CDCA8: variants seen among roughly 807,000 people sequenced by gnomAD.
CDCA8 encodes borealin.
In CDCA8, 25 loss-of-function variants were observed where a neutral mutation model predicts 40.0. The ratio of observed to expected loss-of-function variants is 0.63; its 90% CI spans 0.46 to 0.87. The LOEUF (loss-of-function observed/expected upper bound fraction) is 0.87, where lower values mean the gene tolerates loss of function less well. CDCA8 is among the 40% of genes least tolerant of loss of function. The pLI is 0.00. For synonymous variants in CDCA8, 111 were observed against 126.5 expected (o/e 0.88, Z 0.82); for missense variants, 280 against 348.4 (o/e 0.80, Z 1.56).
At chr1:37,703,403 C>G in intron 7 of CDCA8, 56 bp downstream of exon 7, 1 of 1,267,756 alleles carries the variant, frequency 7.9e-7, no homozygotes, top group South Asian at 1.2e-5. Flanking sequence ...GAGCACTACC[C>G]AGAGAAGGAG....
At position 37,696,005 on chromosome 1, in the gene CDCA8, C is replaced by T. The variant is rs987492585; in HGVS notation, c.264+55C>T. On this transcript the variant is annotated intron_variant, in intron 3 of 9. Transcript: ENST00000373055. This position sits in a 1 kb window ranked among gnomAD's most constrained non-coding sequence, Gnocchi z 5.0. ...TGGTTACTTAAGTCTAGTCCAGTCC[C>T]CAGATCCAACTAATAGATGCTTACT... 6.5e-5 allele frequency: 94 copies of T among 1,444,994 alleles called. No individual in the cohort carries two copies. The highest frequency in any genetic ancestry group is 2.2e-4 in the Admixed American group (13 of 58,992). The allele number at this position is 1,444,994 out of a possible 1,614,324, so 89.5% of individuals were successfully genotyped here.
chr1:37,704,671 G>T (rs577541648), intron 7 of CDCA8, among the ~76,000 whole-genome samples: 1 of 118,926 alleles, frequency 8.4e-6, no homozygotes, highest in African/African-American at 3.4e-5. Flanking sequence ...TTTTTGAGAC[G>T]GAGTCTCGCT....
intron 4 of CDCA8, among the ~76,000 whole-genome samples, chr1:37,700,131 T>A (rs2148287987): frequency 6.6e-6 from 1 of 152,266 alleles, no homozygotes; most frequent in African/African-American, 2.4e-5. Flanking sequence ...ATCCAATTCT[T>A]ATAAGAACAT....
rs748558450 is a variant in CDCA8, at chr1:37,703,281, C to T, written c.518C>T (p.Ala173Val). ...RSSRANTVTP[A>V]VGRLEVSMVK... ...AGCCGTGCTAACACTGTTACCCCAG[C>T]CGTGGGCCGATTGGAGGTGTCCATG... Residue 173 changes from alanine to valine, a missense_variant, in exon 7 of 10, where the codon GCC (alanine) becomes GTC (valine). Transcript: ENST00000373055. 20 of 1,613,798 alleles carry T rather than the reference C, an allele frequency of 1.2e-5. No homozygotes were observed. Among genetic ancestry groups the T allele is most frequent in the East Asian group, 2.2e-5 (1 of 44,886 alleles).
chr1:37,706,921 T>C lies in CDCA8; in HGVS notation c.712-57T>C, dbSNP rs1017759793. The C allele has an allele frequency of 2.2e-6, 3 of 1,373,844 alleles. No homozygotes were observed. In the African/African-American group the frequency reaches 4.3e-5, roughly 20 times the overall value. 85.1% of individuals were successfully genotyped at this position (1,373,844 alleles called of 1,614,324 possible). On this transcript the variant is annotated intron_variant, in intron 8 of 9. Transcript: ENST00000373055. ...CTAAGTGCAGGATATCAGGGGAACCTAGGGGTTCCGGCCCTAAGGGCCATG... is the reference window on the plus strand; with the variant it reads ...CTAAGTGCAGGATATCAGGGGAACCCAGGGGTTCCGGCCCTAAGGGCCATG...
rs776852745 is a variant in CDCA8, at chr1:37,695,917, A to G, written c.231A>G (p.Gly77=). ...EMNWLDYFAL[G]GNKQALEEAA... is the part of the protein sequence containing the mutation. ...ACAACGTTCTTTTTAAAGCCCTTGG[A>G]GGAAACAAACAGGCCCTGGAAGAGG... The change falls in exon 3 of 10, where the codon GGA becomes GGG. Residue 77 remains glycine (G), a synonymous_variant. Transcript: ENST00000373055. 1.9e-6 allele frequency: 3 copies of G among 1,613,970 alleles called. No individual in the cohort carries two copies. Among genetic ancestry groups the G allele is most frequent in the Non-Finnish European group, 2.5e-6 (3 of 1,179,820 alleles).
At chr1:37,694,743 A>G (rs999085070) in intron 2 of CDCA8, among the ~76,000 whole-genome samples, 7 of 152,266 alleles carry the variant, frequency 4.6e-5, no homozygotes, top group African/African-American at 1.7e-4. Context: ...TAAGCTAGTT[A>G]GTGGGATAGT....
intron 9 of CDCA8, among the ~76,000 whole-genome samples, chr1:37,707,390 A>G (rs1282331371): frequency 1.3e-5 from 2 of 152,182 alleles, no homozygotes; most frequent in African/African-American, 4.8e-5. Flanking sequence ...GTAGCTCAAG[A>G]ATGAGGGTCG....
intron 8 of CDCA8, 28 bp downstream of exon 8, chr1:37,705,595 C>T (rs1429684047): frequency 6.2e-7 from 1 of 1,610,950 alleles, no homozygotes; most frequent in Non-Finnish European, 8.5e-7. Flanking sequence ...GAAGCCAGGC[C>T]ACAGTGTGCT....
rs1304532891 is a variant in CDCA8, at chr1:37,692,892, T to C, written c.95-13T>C. 1.2e-6 allele frequency: 2 copies of C among 1,613,866 alleles called. No homozygotes were observed. ...CCCGTGACCCGTGTCCTGTCGGCTC[T>C]GCCCTCCCGCAGTGGAAATACGAAT... is the stretch of plus-strand genomic sequence containing the variant. On this transcript the variant is annotated splice_polypyrimidine_tract_variant and intron_variant, in intron 1 of 9. Transcript: ENST00000373055.
rs569179107 is a variant in CDCA8, at chr1:37,696,908, G to A, written c.264+958G>A. On this transcript the variant is annotated intron_variant, in intron 3 of 9. Coordinates refer to ENST00000373055, the MANE Select transcript of CDCA8 (RefSeq NM_001256875.2). This position sits in a 1 kb window ranked among gnomAD's most constrained non-coding sequence, Gnocchi z 5.0. The stretch of plus-strand genomic sequence containing the variant: ...CCAATTATCAATTTGGAAAAAATTG[G>A]AGCATTTGGGAGAGAGGTGGGGATT... 6.6e-6 allele frequency among the ~76,000 whole-genome samples: 1 copy of A among 152,332 alleles called. No individual in the cohort carries two copies. Among genetic ancestry groups the A allele is most frequent in the African/African-American group, 2.4e-5 (1 of 41,584 alleles).
chr1:37,707,773 A>T (rs1232861402), intron 9 of CDCA8, among the ~76,000 whole-genome samples: 3 of 152,204 alleles, frequency 2.0e-5, no homozygotes, highest in Admixed American at 2.0e-4. Context: ...GTGACCCATG[A>T]TCGTGCTGCT....
chr1:37,705,657 G>C, intron 8 of CDCA8, 90 bp downstream of exon 8: 1 of 1,500,186 alleles, frequency 6.7e-7, no homozygotes. Context: ...TTCACCCTCA[G>C]AGTCCTTTCA....
rs1645550261 is a variant in CDCA8, at chr1:37,699,617, AAAGG to A, written c.337+643_337+646del. On this transcript the variant is annotated intron_variant, in intron 4 of 9. Coordinates refer to ENST00000373055, the MANE Select transcript of CDCA8 (RefSeq NM_001256875.2). ...AAAGGAAAGGAAAGGAAAGGAAAGG[AAAGG>A]AAAAAAAAAGTTACTCAGCTAGGCG... is the stretch of plus-strand genomic sequence containing the variant. Among the ~76,000 whole-genome samples the A allele has an allele frequency of 2.7e-5, 3 of 111,546 alleles. No individual in the cohort carries two copies. In the South Asian group the frequency reaches 8.8e-4, roughly 33 times the overall value. The allele number at this position is 111,546 out of a possible 152,430, so 73.2% of individuals were successfully genotyped here.
At position 37,709,127 on chromosome 1, in the gene CDCA8, T is replaced by C. The variant is rs1303694344; in HGVS notation, c.*761T>C. The stretch of plus-strand genomic sequence containing the variant: ...AATACTGGTTTGGAGACAACTTCCA[T>C]GTCTTGCTCTTCTACCTCCCTAGTT... On this transcript the variant is annotated 3_prime_UTR_variant, in exon 10 of 10. Coordinates refer to ENST00000373055, the MANE Select transcript of CDCA8 (RefSeq NM_001256875.2). 1 of 152,286 alleles carries C rather than the reference T, an allele frequency of 6.6e-6. No homozygotes were observed. Among genetic ancestry groups the C allele is most frequent in the East Asian group, 1.9e-4 (1 of 5,204 alleles). 9.4% of individuals were successfully genotyped at this position (152,286 alleles called of 1,614,324 possible).
chr1:37,693,997 G>A (rs951090103), intron 2 of CDCA8, among the ~76,000 whole-genome samples: 4 of 152,144 alleles, frequency 2.6e-5, no homozygotes, highest in African/African-American at 4.8e-5. Context: ...AAAGTTAGCC[G>A]GGCGTGGTGG....
intron 5 of CDCA8, 40 bp from the exon 6 acceptor site, chr1:37,701,714 G>T: frequency 1.4e-6 from 2 of 1,472,526 alleles, no homozygotes; most frequent in Non-Finnish European, 1.9e-6. Context: ...CTCTTTGCTG[G>T]GTTTTTTGTA....
chr1:37,695,975 G>C, intron 3 of CDCA8, 25 bp downstream of exon 3: 2 of 1,611,696 alleles, frequency 1.2e-6, no homozygotes, highest in Non-Finnish European at 1.7e-6. Context: ...CTATTTTCCA[G>C]CCAGTGGTTA....
In CDCA8 at chr1:37,705,462, G is replaced by A. The variant is rs1645592109; in HGVS notation, c.606G>A (p.Leu202=). The A allele has an allele frequency of 1.2e-6, 2 of 1,614,068 alleles. No homozygotes were observed. The highest frequency in any genetic ancestry group is 8.5e-7 in the Non-Finnish European group (1 of 1,180,000). Residue 202 remains leucine, a synonymous_variant, in exon 8 of 10, where the codon CTG becomes CTA. Transcript: ENST00000373055. ...CTAGGGTCTTCAAGACCCCTGGCCT[G>A]CGTACTCCAGCAGCAGGAGAGCGGA... ...FDSRVFKTPG[L]RTPAAGERIY...
Sources: allele counts gnomAD v4.1 joint callset (sites outside exome capture counted in the v4.1 genomes callset), GRCh38; gene constraint gnomAD v4.1.1; non-coding constraint Gnocchi (gnomAD v3.1); transcripts MANE v1.5; gene names NCBI Gene and HGNC (gene_info 2026-07-23, HGNC 2026-07-21).